The following SLC52A1 variants were observed in gnomAD, a reference collection of about 807,000 sequenced individuals.
SLC52A1 encodes solute carrier family 52 member 1, also known as solute carrier family 52, riboflavin transporter, member 1.
In SLC52A1, 20 loss-of-function variants were observed where a neutral mutation model predicts 23.2. The observed-to-expected ratio is 0.86, with a 90% CI of 0.61 to 1.25. SLC52A1 has a LOEUF of 1.25. Ranked by LOEUF, SLC52A1 falls within the 50% of genes most tolerant of loss-of-function variation. The pLI is 0.00. For missense variants in SLC52A1, 528 were observed against 557.0 expected (o/e 0.95, Z 0.52); for synonymous variants, 260 against 256.6 (o/e 1.01, Z -0.13).
At chr17:5,034,769 C>G (rs1481048480) in intron 1 of SLC52A1, 56 bp from the exon 2 acceptor site, 1 of 933,168 alleles carries the variant, frequency 1.1e-6, no homozygotes, top group Non-Finnish European at 1.5e-6. Flanking sequence ...GAACCGGAGT[C>G]AGAAGACAAG....
intron 1 of SLC52A1, among the ~76,000 whole-genome samples, chr17:5,040,459 C>T (rs923558244): frequency 1.3e-5 from 2 of 152,158 alleles, no homozygotes; most frequent in Non-Finnish European, 2.9e-5. Context: ...TAGGCATGAA[C>T]CACCGTTCCT....
In SLC52A1 at chr17:5,035,036, G is replaced by A. The variant is rs1412919819; in HGVS notation, c.-283C>T. 2.6e-5 allele frequency: 5 copies of A among 192,008 alleles called. No individual in the cohort carries two copies. Among genetic ancestry groups the A allele is most frequent in the Non-Finnish European group, 3.3e-5 (3 of 90,362 alleles). The allele number at this position is 192,008 out of a possible 1,614,324, so 11.9% of individuals were successfully genotyped here. On this transcript the variant is annotated 5_prime_UTR_variant, in exon 1 of 5. Transcript: ENST00000254853. ...AAACAGCTCAGCACTGGCCGGGTGC[G>A]GTGGCTCACACCTGTAATCCCAGCA...
At chr17:5,035,611 C>T (rs1288072986), upstream of SLC52A1, among the ~76,000 whole-genome samples, 1 of 152,228 alleles carries the variant, frequency 6.6e-6, no homozygotes, top group Non-Finnish European at 1.5e-5. Flanking sequence ...GGCTGGCGGT[C>T]TGCCTGAGAG....
rs1975382911 is a variant in SLC52A1, at chr17:5,033,802, T to C, written c.687A>G (p.Ser229=). ...PSLPSVTTGG[S]GPELQLGSPG... is the part of the protein sequence containing the mutation. ...GGGATCCCAGTTGAAGTTCAGGCCC[T>C]GAGCCCCCTGTGGTTACAGAGGGTA... is the stretch of plus-strand genomic sequence containing the variant. Residue 229 remains serine, a synonymous_variant, in exon 3 of 5, where the codon TCA becomes TCG. Coordinates refer to ENST00000254853, the MANE Select transcript of SLC52A1 (RefSeq NM_017986.4). 6.2e-7 allele frequency: 1 copy of C among 1,614,098 alleles called. No individual in the cohort carries two copies. The highest frequency in any genetic ancestry group is 1.3e-5 in the African/African-American group (1 of 74,926).
At position 5,033,469 on chromosome 17, in the gene SLC52A1, C is replaced by A. The variant is rs559724296; in HGVS notation, c.1010+10G>T. 2.5e-6 allele frequency: 4 copies of A among 1,607,662 alleles called. No homozygotes were observed. The highest frequency in any genetic ancestry group is 1.1e-5 in the South Asian group (1 of 90,714). ...AGTTCCACCCACCAAGCCTGGGGAC[C>A]CTTTTGCACCTGCACAGCACGCCCA... On this transcript the variant is annotated intron_variant, in intron 3 of 4. Transcript: ENST00000254853.
At position 5,035,370 on chromosome 17, in the gene SLC52A1, A is replaced by G. The variant is rs1383714804; in HGVS notation, c.-617T>C. ...TCGGCACCAACACGCTCACCCTCAA[A>G]TGGACCCCGGGACAAGGGCACGTCT... On this transcript the variant is annotated 5_prime_UTR_variant, in exon 1 of 5. Transcript: ENST00000254853. The G allele has an allele frequency of 6.6e-6, 1 of 152,298 alleles. No individual in the cohort carries two copies. Among genetic ancestry groups the G allele is most frequent in the Admixed American group, 6.5e-5 (1 of 15,282 alleles). The allele number at this position is 152,298 out of a possible 1,614,324, so 9.4% of individuals were successfully genotyped here. A position where few individuals can be genotyped will look rare whatever the true frequency, so the allele number is the denominator to read the frequency against.
chr17:5,042,410 C>A (rs1364645300), intron 1 of SLC52A1, among the ~76,000 whole-genome samples: 4 of 152,230 alleles, frequency 2.6e-5, no homozygotes, highest in Middle Eastern at 3.2e-3. Context: ...ATCTCAGGAA[C>A]ACCTGGCCTC....
chr17:5,032,865 G>A lies in SLC52A1; in HGVS notation c.*92C>T, dbSNP rs1975342945. On this transcript the variant is annotated 3_prime_UTR_variant, in exon 5 of 5. Coordinates refer to ENST00000254853, the MANE Select transcript of SLC52A1 (RefSeq NM_017986.4). ...GTGTCCATGAGCGTTCCTGTGTTGG[G>A]GGAAGCCTGCCTGGGCCACAAGTAG... 1.6e-6 allele frequency: 2 copies of A among 1,214,482 alleles called. No homozygotes were observed. The highest frequency in any genetic ancestry group is 2.7e-5 in the South Asian group (2 of 73,248). 75.2% of individuals were successfully genotyped at this position (1,214,482 alleles called of 1,614,324 possible).
chr17:5,036,176 C>T (rs1975452348), upstream of SLC52A1, among the ~76,000 whole-genome samples: 1 of 149,022 alleles, frequency 6.7e-6, no homozygotes, highest in Admixed American at 6.9e-5. Flanking sequence ...GAATTACAGG[C>T]GCCCACCACC....
At chr17:5,035,813 C>A (rs1975442183), upstream of SLC52A1, among the ~76,000 whole-genome samples, 1 of 149,104 alleles carries the variant, frequency 6.7e-6, no homozygotes, top group Non-Finnish European at 1.5e-5. Flanking sequence ...TCCCACTCAG[C>A]CTCTCCCCAC....
In SLC52A1 at chr17:5,035,162, G is replaced by A. The variant is rs148699601; in HGVS notation, c.-409C>T. The stretch of plus-strand genomic sequence containing the variant: ...GTCTCTACTAAAAATACAAAAATTA[G>A]CTGGTCGTGGTGGTGGGTGCCAGTA... On this transcript the variant is annotated 5_prime_UTR_variant, in exon 1 of 5. Coordinates refer to ENST00000254853, the MANE Select transcript of SLC52A1 (RefSeq NM_017986.4). 6.6e-3 allele frequency: 1,024 copies of A among 155,102 alleles called. 16 individuals carry two copies. Among genetic ancestry groups the A allele is most frequent in the African/African-American group, 0.023 (958 of 41,548 alleles). 9.6% of individuals were successfully genotyped at this position (155,102 alleles called of 1,614,324 possible).
At chr17:5,039,043 C>T (rs1040950857), upstream of SLC52A1, among the ~76,000 whole-genome samples, 9 of 658 alleles carry the variant, frequency 0.014, no homozygotes, top group African/African-American at 0.048. Flanking sequence ...TTCAGTCAGC[C>T]GGGCGCGGTG....
chr17:5,033,955 A>G lies in SLC52A1; in HGVS notation c.534T>C (p.Asn178=), dbSNP rs1364694147. ...AGTCGAGGGGAGGCCCAGAGGTGCC[A>G]TTGGTGGGCGCTGGTGGGCACTCGA... is the stretch of plus-strand genomic sequence containing the variant. The part of the protein sequence containing the change: ...GRLECPPAPT[N]GTSGPPLDFP... The change falls in exon 3 of 5, where the codon AAT becomes AAC. Residue 178 remains asparagine (N), a synonymous_variant. Coordinates refer to ENST00000254853, the MANE Select transcript of SLC52A1 (RefSeq NM_017986.4). 6.2e-7 allele frequency: 1 copy of G among 1,614,126 alleles called. No individual in the cohort carries two copies. The highest frequency in any genetic ancestry group is 1.1e-5 in the South Asian group (1 of 91,088).
chr17:5,037,322 C>G (rs1395992452), upstream of SLC52A1, among the ~76,000 whole-genome samples: 1 of 152,126 alleles, frequency 6.6e-6, no homozygotes, highest in Non-Finnish European at 1.5e-5. Flanking sequence ...GAGTTCAAGA[C>G]CAGCCTGGCC....
At chr17:5,034,735 G>A (rs981323508) in intron 1 of SLC52A1, 22 bp from the exon 2 acceptor site, 13 of 1,308,322 alleles carry the variant, frequency 9.9e-6, no homozygotes, top group Non-Finnish European at 1.3e-5. Context: ...CAGACAGGCT[G>A]GCAGGTAATA....
At position 5,033,459 on chromosome 17, in the gene SLC52A1, G is replaced by A. The variant is rs201127532; in HGVS notation, c.1010+20C>T. On this transcript the variant is annotated intron_variant, in intron 3 of 4. Coordinates refer to ENST00000254853, the MANE Select transcript of SLC52A1 (RefSeq NM_017986.4). ...CCCAACCTTAAGTTCCACCCACCAAGCCTGGGGACCCTTTTGCACCTGCAC... is the reference window on the plus strand; with the variant it reads ...CCCAACCTTAAGTTCCACCCACCAAACCTGGGGACCCTTTTGCACCTGCAC... 3.1e-6 allele frequency: 5 copies of A among 1,610,140 alleles called. No homozygotes were observed. In the East Asian group the frequency reaches 1.1e-4, roughly 36 times the overall value.
upstream of SLC52A1, among the ~76,000 whole-genome samples, chr17:5,040,039 G>A (rs545842183): frequency 2.6e-5 from 4 of 152,264 alleles, no homozygotes; most frequent in Non-Finnish European, 5.9e-5. Flanking sequence ...GGGTGGTTGT[G>A]ATGTGTAGGA....
upstream of SLC52A1, among the ~76,000 whole-genome samples, chr17:5,037,454 G>A (rs1395186182): frequency 6.6e-6 from 1 of 152,128 alleles, no homozygotes; most frequent in Non-Finnish European, 1.5e-5. Flanking sequence ...GGGAGGTGGA[G>A]GTTGCAGTGA....
chr17:5,039,703 C>G (rs1043216566), upstream of SLC52A1, among the ~76,000 whole-genome samples: 1 of 152,150 alleles, frequency 6.6e-6, no homozygotes, highest in African/African-American at 2.4e-5. Flanking sequence ...AACTCCTGAC[C>G]TCAGGTGATC....
Sources: gnomAD v4.1 joint callset for allele counts (sites outside exome capture counted in the v4.1 genomes callset) on GRCh38, gnomAD v4.1.1 for gene constraint, MANE v1.5 for transcripts, NCBI Gene and HGNC (gene_info 2026-07-23, HGNC 2026-07-21) for gene names.